OSBPL10: variants seen among roughly 807,000 people sequenced by gnomAD.
The protein encoded by OSBPL10 is oxysterol binding protein like 10.
OSBPL10 carries 49 observed loss-of-function variants against 81.7 expected under a neutral mutation model. That is an observed-to-expected ratio of 0.60 (90% CI 0.48 to 0.76). The LOEUF is 0.76. Ranked by LOEUF, OSBPL10 falls within the 30% of genes least tolerant of loss-of-function variation. The pLI is 0.00. For synonymous variants in OSBPL10, 419 were observed against 383.6 expected (o/e 1.09, Z -1.08); for missense variants, 923 against 987.8 (o/e 0.93, Z 0.88).
chr3:31,808,613 C>T (rs1699581040), intron 4 of OSBPL10, among the ~76,000 whole-genome samples: 1 of 152,140 alleles, frequency 6.6e-6, no homozygotes. Context: ...CTGAAAAAAG[C>T]TACTGTATTC....
intron 1 of OSBPL10, among the ~76,000 whole-genome samples, chr3:31,956,410 C>A (rs1190468685): frequency 6.6e-6 from 1 of 152,174 alleles, no homozygotes. Flanking sequence ...AGAGGGACAA[C>A]AGAGCACATA....
intron 5 of OSBPL10, among the ~76,000 whole-genome samples, chr3:31,747,492 A>C (rs1444649594): frequency 3.9e-4 from 59 of 150,560 alleles, no homozygotes; most frequent in African/African-American, 1.4e-3. Context: ...TCAAATAAAA[A>C]AAAAAAAAAA....
intron 1 of OSBPL10, among the ~76,000 whole-genome samples, chr3:32,071,058 G>T (rs966545084): frequency 6.6e-6 from 1 of 152,028 alleles, no homozygotes; most frequent in Non-Finnish European, 1.5e-5. Context: ...CTACTTTGTA[G>T]CCCCTCCTTT....
chr3:31,892,490 T>C (rs1434140444), intron 1 of OSBPL10, among the ~76,000 whole-genome samples: 1 of 152,142 alleles, frequency 6.6e-6, no homozygotes, highest in African/African-American at 2.4e-5. Context: ...TCGCTTTCTC[T>C]CAACGTGACG....
chr3:32,031,673 C>T (rs1317430141), intron 2 of OSBPL10, among the ~76,000 whole-genome samples: 6 of 152,026 alleles, frequency 3.9e-5, no homozygotes, highest in South Asian at 2.1e-4. Context: ...AGGCTGGTCT[C>T]GAACTCCTGA....
intron 1 of OSBPL10, among the ~76,000 whole-genome samples, chr3:31,920,245 G>A (rs946771769): frequency 1.3e-5 from 2 of 152,144 alleles, no homozygotes; most frequent in African/African-American, 2.4e-5. Flanking sequence ...TATGTGACAT[G>A]CATTTGTCAA....
chr3:31,774,252 G>C (rs531358534), intron 4 of OSBPL10, among the ~76,000 whole-genome samples: 1 of 152,062 alleles, frequency 6.6e-6, no homozygotes, highest in African/African-American at 2.4e-5. Flanking sequence ...ATGACCTATT[G>C]TTAGAGGGAG....
chr3:31,708,044 A>G (rs1207829398), intron 6 of OSBPL10, among the ~76,000 whole-genome samples: 1 of 152,180 alleles, frequency 6.6e-6, no homozygotes, highest in Non-Finnish European at 1.5e-5. Context: ...GTCTATGAGG[A>G]GCAAGTGCCC....
chr3:31,754,319 C>G (rs1027924934), intron 4 of OSBPL10, among the ~76,000 whole-genome samples: 26 of 152,106 alleles, frequency 1.7e-4, no homozygotes, highest in African/African-American at 6.0e-4. Flanking sequence ...AAACCCCCAA[C>G]TAGTGTACAG....
chr3:31,734,114 G>A (rs1230931189), intron 5 of OSBPL10, among the ~76,000 whole-genome samples: 3 of 152,140 alleles, frequency 2.0e-5, no homozygotes, highest in African/African-American at 7.2e-5. Context: ...CAATGGCCAT[G>A]GCTCAGAAAA....
chr3:32,025,178 T>C (rs1415870607), intron 2 of OSBPL10, among the ~76,000 whole-genome samples: 1 of 152,186 alleles, frequency 6.6e-6, no homozygotes, highest in Non-Finnish European at 1.5e-5. Context: ...CTCTATCTTG[T>C]TTGATGAGGG....
intron 4 of OSBPL10, among the ~76,000 whole-genome samples, chr3:31,802,744 A>T (rs4955202): frequency 0.77 from 116,402 of 151,614 alleles, 44,921 homozygotes; most frequent in African/African-American, 0.85. Flanking sequence ...CTGCAAACGG[A>T]TCCTGAATAA....
chr3:31,677,602 C>T (rs1700511096), intron 8 of OSBPL10, among the ~76,000 whole-genome samples: 5 of 152,232 alleles, frequency 3.3e-5, no homozygotes, highest in Non-Finnish European at 5.9e-5. Context: ...CTGCAGGCTG[C>T]ATCTGAGGGC....
chr3:31,766,327 TTGTTTTTTTGTTTTTTTTTG>T (rs1187692883), intron 4 of OSBPL10, among the ~76,000 whole-genome samples: 361 of 29,242 alleles, frequency 0.012, 11 homozygotes, highest in African/African-American at 0.019. Context: ...TGTAGTTTTT[TTGTTTTTTTGTTTTTTTTTG>T]TTTTTTTTTT....
At chr3:31,679,344 G>T (rs1182331228) in intron 8 of OSBPL10, among the ~76,000 whole-genome samples, 1 of 152,160 alleles carries the variant, frequency 6.6e-6, no homozygotes, top group Non-Finnish European at 1.5e-5. Flanking sequence ...CACATGTCTT[G>T]TCTTCTCTCC....
intron 3 of OSBPL10, among the ~76,000 whole-genome samples, chr3:31,840,748 T>G (rs1308496939): frequency 6.6e-6 from 1 of 152,246 alleles, no homozygotes; most frequent in African/African-American, 2.4e-5. Flanking sequence ...TCTTTTCTCC[T>G]GTGCTTTTTA....
chr3:31,739,358 C>A (rs1697274911), intron 5 of OSBPL10, among the ~76,000 whole-genome samples: 1 of 152,144 alleles, frequency 6.6e-6, no homozygotes, highest in African/African-American at 2.4e-5. Context: ...TAGTACTCAG[C>A]CTCACTTCAC....
chr3:32,000,631 C>A (rs1461545813), intron 2 of OSBPL10, among the ~76,000 whole-genome samples: 1 of 152,216 alleles, frequency 6.6e-6, no homozygotes, highest in South Asian at 2.1e-4. Flanking sequence ...TTTGTCAGCC[C>A]TTCCTCGTGA....
chr3:31,934,247 G>A (rs559423227), intron 1 of OSBPL10, among the ~76,000 whole-genome samples: 7 of 151,848 alleles, frequency 4.6e-5, no homozygotes, highest in Non-Finnish European at 7.4e-5. Context: ...AGCGGGGGAG[G>A]ATGGCTTGAG....
Sources: gnomAD v4.1 joint callset for allele counts (sites outside exome capture counted in the v4.1 genomes callset) on GRCh38, gnomAD v4.1.1 for gene constraint, MANE v1.5 for transcripts, NCBI Gene and HGNC (gene_info 2026-07-23, HGNC 2026-07-21) for gene names.